SERINC5: variants seen among roughly 807,000 people sequenced by gnomAD.
The protein encoded by SERINC5 is chromosome 5 open reading frame 12.
SERINC5 carries 41 observed loss-of-function variants against 63.1 expected under a neutral mutation model. That is an observed-to-expected ratio of 0.65 (90% CI 0.51 to 0.84). The LOEUF is 0.84. SERINC5 is among the 40% of genes least tolerant of loss of function. The probability of loss-of-function intolerance (pLI) is 0.00; values close to 1 mark genes in which losing one functional copy is unlikely to be tolerated. For missense variants in SERINC5, 523 were observed against 573.0 expected (o/e 0.91, Z 0.89); for synonymous variants, 222 against 215.2 (o/e 1.03, Z -0.28).
At chr5:80,150,557 TC>T (rs748128201) in intron 9 of SERINC5, among the ~76,000 whole-genome samples, 17 of 152,182 alleles carry the variant, frequency 1.1e-4, no homozygotes, top group African/African-American at 1.7e-4. Context: ...CGTCTCAGCC[TC>T]CCAAGTAGCT....
intron 11 of SERINC5, chr5:80,114,482 C>A: frequency 5.3e-6 from 1 of 189,030 alleles, no homozygotes; most frequent in South Asian, 6.1e-5. Flanking sequence ...GGTAAAACCC[C>A]ATCACCACTA....
At chr5:80,163,343 G>C (rs1747065202) in intron 7 of SERINC5, among the ~76,000 whole-genome samples, 1 of 152,048 alleles carries the variant, frequency 6.6e-6, no homozygotes, top group Non-Finnish European at 1.5e-5. Flanking sequence ...TCTTGCCTGA[G>C]TGTCCTGGCT....
chr5:80,220,534 G>A (rs983567306), intron 1 of SERINC5, among the ~76,000 whole-genome samples: 2 of 152,174 alleles, frequency 1.3e-5, no homozygotes, highest in Non-Finnish European at 2.9e-5. Context: ...GTTGGACTGG[G>A]CAAAGAAGGC....
In SERINC5 at chr5:80,112,533, A is replaced by G. The variant is rs531001445; in HGVS notation, c.*30-831T>C. 7.2e-4 allele frequency among the ~76,000 whole-genome samples: 109 copies of G among 152,250 alleles called. No individual in the cohort carries two copies. The South Asian group carries it at 1.0e-2, about 14-fold the overall frequency. On this transcript the variant is annotated intron_variant, in intron 12 of 12. Transcript: ENST00000509193. ...GCAGGTCCTCCGTATGCTGAGCGCCAGTCTGCTGGGCCCACTGTTCTTTCT... is the reference window on the plus strand; with the variant it reads ...GCAGGTCCTCCGTATGCTGAGCGCCGGTCTGCTGGGCCCACTGTTCTTTCT...
chr5:80,210,397 CA>C (rs1462335346), intron 1 of SERINC5, among the ~76,000 whole-genome samples: 1 of 152,152 alleles, frequency 6.6e-6, no homozygotes, highest in Non-Finnish European at 1.5e-5. Context: ...ACACATTCTA[CA>C]AAAAATAAAT....
chr5:80,192,955 TAC>T (rs1156487628), intron 2 of SERINC5, among the ~76,000 whole-genome samples: 3 of 152,174 alleles, frequency 2.0e-5, no homozygotes, highest in East Asian at 1.9e-4. Flanking sequence ...CTTTCAGACA[TAC>T]ACAGTCTAGC....
At chr5:80,194,440 G>T (rs1000218912) in intron 2 of SERINC5, among the ~76,000 whole-genome samples, 6 of 152,148 alleles carry the variant, frequency 3.9e-5, no homozygotes, top group Admixed American at 1.3e-4. Context: ...ACAGTATTTT[G>T]GATCAAAGCG....
At chr5:80,207,004 T>C (rs1750202018) in intron 1 of SERINC5, among the ~76,000 whole-genome samples, 1 of 151,540 alleles carries the variant, frequency 6.6e-6, no homozygotes, top group African/African-American at 2.4e-5. Context: ...ACTATATATA[T>C]ATATATATTT....
chr5:80,142,786 A>G lies in SERINC5; in HGVS notation c.*877T>C, dbSNP rs1745588500. 1.0e-6 allele frequency: 1 copy of G among 985,372 alleles called. No individual in the cohort carries two copies. The highest frequency in any genetic ancestry group is 1.7e-5 in the African/African-American group (1 of 57,254). 61.0% of individuals were successfully genotyped at this position (985,372 alleles called of 1,614,324 possible). A position where few individuals can be genotyped will look rare whatever the true frequency, so the allele number is the denominator to read the frequency against. ...AAGCAGCTTTTCAGTTAAGGTCCTA[A>G]AAGTATTATCATTATCAACAGCACA... On this transcript the variant is annotated 3_prime_UTR_variant, in exon 12 of 12. Coordinates refer to ENST00000507668, the MANE Select transcript of SERINC5 (RefSeq NM_001174072.3).
intron 5 of SERINC5, among the ~76,000 whole-genome samples, chr5:80,173,242 GAA>G (rs879546088): frequency 0.014 from 2,018 of 139,778 alleles, 37 homozygotes; most frequent in African/African-American, 0.049. Flanking sequence ...AGGAAGGAAG[GAA>G]GGAAGGAAGG....
intron 2 of SERINC5, among the ~76,000 whole-genome samples, chr5:80,191,479 C>CAAAAAAAAAAAAA (rs1167390197): frequency 2.9e-4 from 11 of 38,144 alleles, no homozygotes; most frequent in African/African-American, 4.1e-4. Flanking sequence ...TCCATCTCTA[C>CAAAAAAAAAAAAA]AAAAAAAAAA....
downstream of SERINC5, among the ~76,000 whole-genome samples, chr5:80,137,937 CA>C (rs1456866718): frequency 6.6e-6 from 1 of 150,486 alleles, no homozygotes; most frequent in Non-Finnish European, 1.5e-5. Context: ...GACTCTGTCT[CA>C]AAAAAAGGAA....
intron 11 of SERINC5, among the ~76,000 whole-genome samples, chr5:80,145,420 GT>G: frequency 6.6e-6 from 1 of 151,192 alleles, no homozygotes; most frequent in Non-Finnish European, 1.5e-5. Context: ...GGTTATCTGT[GT>G]GGGGGAAGTA....
chr5:80,135,642 C>T (rs73772249), downstream of SERINC5, among the ~76,000 whole-genome samples: 4,002 of 152,022 alleles, frequency 0.026, 146 homozygotes, highest in African/African-American at 0.083. Flanking sequence ...AAAGTAAGGA[C>T]GATGGACGTG....
At position 80,232,924 on chromosome 5, in the gene SERINC5, T is replaced by C. The variant is rs139848064; in HGVS notation, c.27+22972A>G. Reference sequence around the variant, plus strand: ...AATAGGAAACGTCTACAAAAGCCCATAGAGACAGCAAGTAGATTAACAATT... The same window carrying C: ...AATAGGAAACGTCTACAAAAGCCCACAGAGACAGCAAGTAGATTAACAATT... On this transcript the variant is annotated intron_variant, in intron 1 of 11. Transcript: ENST00000507668. Among the ~76,000 whole-genome samples, 688 of 152,240 alleles carry C rather than the reference T, an allele frequency of 4.5e-3. 7 individuals are homozygous for C. Among genetic ancestry groups the C allele is most frequent in the African/African-American group, 0.014 (578 of 41,554 alleles).
At chr5:80,222,319 A>G (rs1441608795) in intron 1 of SERINC5, among the ~76,000 whole-genome samples, 1 of 152,140 alleles carries the variant, frequency 6.6e-6, no homozygotes, top group African/African-American at 2.4e-5. Context: ...CCACTGTTTC[A>G]AAGCAATTTC....
chr5:80,203,618 A>G (rs1332047361), intron 1 of SERINC5, among the ~76,000 whole-genome samples: 6 of 152,320 alleles, frequency 3.9e-5, no homozygotes, highest in South Asian at 2.1e-4. Context: ...GAAAACAATC[A>G]TATTAGGTTG....
chr5:80,215,690 T>C (rs1170259241), intron 1 of SERINC5, among the ~76,000 whole-genome samples: 1 of 152,142 alleles, frequency 6.6e-6, no homozygotes, highest in Non-Finnish European at 1.5e-5. Flanking sequence ...GGCAAGTGGT[T>C]TCTCAAACAA....
chr5:80,241,281 C>G (rs150004155), intron 1 of SERINC5, among the ~76,000 whole-genome samples: 1 of 151,722 alleles, frequency 6.6e-6, no homozygotes, highest in Non-Finnish European at 1.5e-5. Context: ...CCATCCTGGC[C>G]AACACAATGA....
Sources: gnomAD v4.1 joint callset for allele counts (sites outside exome capture counted in the v4.1 genomes callset) on GRCh38, gnomAD v4.1.1 for gene constraint, MANE v1.5 for transcripts, NCBI Gene and HGNC (gene_info 2026-07-23, HGNC 2026-07-21) for gene names.